Variants in C11orf65 observed in about 807,000 individuals in gnomAD.
C11orf65 encodes the protein protein MFI.
Under a neutral mutation model 35.3 loss-of-function variants are expected in C11orf65, and 38 were observed. That is an observed-to-expected ratio of 1.08 (90% CI 0.83 to 1.41). The LOEUF is 1.41. Among genes scored for constraint, C11orf65 ranks in the 40% most tolerant of loss-of-function variants. C11orf65 has a pLI of 0.00. For synonymous variants in C11orf65, 105 were observed against 114.4 expected, an observed-to-expected ratio of 0.92 and a Z score of 0.53; for missense variants, 370 against 367.1, an observed-to-expected ratio of 1.01 and a Z score of -0.06.
chr11:108,398,733 T>G (rs2092374557), intron 6 of C11orf65, among the ~76,000 whole-genome samples: 1 of 152,234 alleles, frequency 6.6e-6, no homozygotes, highest in Non-Finnish European at 1.5e-5. Flanking sequence ...TTTGTTGTTC[T>G]CAGCCTGTAA....
intron 2 of C11orf65, among the ~76,000 whole-genome samples, chr11:108,440,435 G>T (rs1360418695): frequency 6.6e-6 from 1 of 152,152 alleles, no homozygotes; most frequent in African/African-American, 2.4e-5. Context: ...GGCTCAAGTG[G>T]GGCCCAATAT....
intron 6 of C11orf65, among the ~76,000 whole-genome samples, chr11:108,319,069 T>C (rs2084997624): frequency 6.6e-6 from 1 of 151,794 alleles, no homozygotes; most frequent in African/African-American, 2.4e-5. Flanking sequence ...CCCAGCTGCT[T>C]GGGAGGCTGA....
At chr11:108,403,420 G>GTTTTTTTTTTTTTTTT (rs869122131) in intron 6 of C11orf65, among the ~76,000 whole-genome samples, 1 of 119,714 alleles carries the variant, frequency 8.4e-6, no homozygotes, top group East Asian at 2.6e-4. Flanking sequence ...TTTTTTTTTT[G>GTTTTTTTTTTTTTTTT]TTTTTTTTTT....
intron 2 of C11orf65, among the ~76,000 whole-genome samples, chr11:108,441,644 A>T (rs2093156220): frequency 6.6e-6 from 1 of 152,236 alleles, no homozygotes; most frequent in African/African-American, 2.4e-5. Flanking sequence ...AGGATTAGGC[A>T]GCAACAATTG....
chr11:108,439,173 T>C (rs984052819), intron 2 of C11orf65, among the ~76,000 whole-genome samples: 1 of 151,920 alleles, frequency 6.6e-6, no homozygotes, highest in Non-Finnish European at 1.5e-5. Flanking sequence ...TGGGCAAAGG[T>C]CTTGAATATA....
chr11:108,406,649 CAATT>C (rs2092546124), intron 5 of C11orf65, 110 bp downstream of exon 5: 1 of 700,600 alleles, frequency 1.4e-6, no homozygotes, highest in African/African-American at 1.8e-5. Context: ...CAAAATTTAT[CAATT>C]AAATTACTAG....
rs150389002 is a variant in C11orf65, at chr11:108,404,514, T to C, written c.560+915A>G. 6.3e-4 allele frequency among the ~76,000 whole-genome samples: 95 copies of C among 151,982 alleles called. 1 individual carries two copies. The highest frequency in any genetic ancestry group is 2.0e-3 in the African/African-American group (83 of 41,460). On this transcript the variant is annotated intron_variant, in intron 6 of 8. Coordinates refer to ENST00000393084, the MANE Select transcript of C11orf65 (RefSeq NM_152587.5). The stretch of plus-strand genomic sequence containing the variant: ...GCTCCGCCTCCTGGGTTCACGCCAT[T>C]CTCCTGCCTCAGCCTCCCAAGTAGC...
chr11:108,315,965 A>T (rs376757451), intron 6 of C11orf65: 1 of 1,607,718 alleles, frequency 6.2e-7, no homozygotes, highest in South Asian at 1.1e-5. Context: ...TGAAGGAGTT[A>T]TGTGTGTGTA....
In C11orf65 at chr11:108,465,699, A is replaced by T. The variant is rs1172345996; in HGVS notation, c.-10+1772T>A. Among the ~76,000 whole-genome samples, 5 of 152,046 alleles carry T rather than the reference A, an allele frequency of 3.3e-5. No homozygotes were observed. The South Asian group carries it at 1.0e-3, about 32-fold the overall frequency. On this transcript the variant is annotated intron_variant, in intron 1 of 8. Transcript: ENST00000393084. ...GGATTAAAGGTTTTTTTTTAAAAAA[A>T]AAAGGCTGGGCGCGGTGGCTCACGC... is the stretch of plus-strand genomic sequence containing the variant.
chr11:108,383,423 G>A lies in C11orf65; in HGVS notation c.788-248C>T, dbSNP rs2138269060. ...GTCTGATCTACTAATAACTAGCTGT[G>A]TAATTTGGGACAAATTATTTAACCT... On this transcript the variant is annotated intron_variant, in intron 8 of 8. Coordinates refer to ENST00000393084, the MANE Select transcript of C11orf65 (RefSeq NM_152587.5). Among the ~76,000 whole-genome samples, 3 of 152,304 alleles carry A rather than the reference G, an allele frequency of 2.0e-5. 1 individual carries two copies. The highest frequency in any genetic ancestry group is 2.0e-4 in the Admixed American group (3 of 15,298).
chr11:108,418,942 A>C (rs1051184170), intron 3 of C11orf65, among the ~76,000 whole-genome samples: 1 of 152,214 alleles, frequency 6.6e-6, no homozygotes, highest in Non-Finnish European at 1.5e-5. Flanking sequence ...TAGCACAAGA[A>C]GAAATACAAA....
chr11:108,445,174 G>C (rs1446515725), intron 2 of C11orf65, among the ~76,000 whole-genome samples: 1 of 152,268 alleles, frequency 6.6e-6, no homozygotes, highest in East Asian at 1.9e-4. Flanking sequence ...CTCCACCTCT[G>C]GGGGAAGGGC....
intron 2 of C11orf65, among the ~76,000 whole-genome samples, chr11:108,453,100 G>A (rs756882970): frequency 1.7e-5 from 1 of 60,116 alleles, no homozygotes; most frequent in Non-Finnish European, 3.2e-5. Context: ...GTATACATTT[G>A]TAACAACCTG....
chr11:108,407,617 G>A (rs987840313), intron 3 of C11orf65, among the ~76,000 whole-genome samples: 5 of 151,602 alleles, frequency 3.3e-5, no homozygotes, highest in Admixed American at 2.6e-4. Context: ...ACTGTGCTCA[G>A]CCATTAAAAA....
At chr11:108,395,329 ATTTTT>A (rs761424830) in intron 6 of C11orf65, among the ~76,000 whole-genome samples, 1 of 140,926 alleles carries the variant, frequency 7.1e-6, no homozygotes, top group African/African-American at 2.6e-5. Context: ...TGTCTCTACA[ATTTTT>A]TTTTTTTTTT....
At chr11:108,425,908 C>G (rs2092895659) in intron 3 of C11orf65, among the ~76,000 whole-genome samples, 1 of 152,170 alleles carries the variant, frequency 6.6e-6, no homozygotes, top group African/African-American at 2.4e-5. Context: ...ACGTGATTAT[C>G]TCAATAGATG....
chr11:108,407,257 T>C (rs1000920286), intron 3 of C11orf65, 108 bp from the exon 4 acceptor site: 101 of 860,848 alleles, frequency 1.2e-4, no homozygotes, highest in Non-Finnish European at 1.7e-4. Flanking sequence ...ATTGACTATT[T>C]AGGAAATCAG....
intron 3 of C11orf65, 140 bp from the exon 4 acceptor site, chr11:108,407,289 A>C (rs1246296519): frequency 1.5e-6 from 1 of 663,776 alleles, no homozygotes. Context: ...AACCTCAAAT[A>C]ATCAATTTTA....
intron 2 of C11orf65, among the ~76,000 whole-genome samples, chr11:108,450,555 A>G (rs2135635302): frequency 6.9e-6 from 1 of 143,918 alleles, no homozygotes; most frequent in South Asian, 2.2e-4. Flanking sequence ...GTTGTCACTC[A>G]TAGGTGGGAA....
Sources: allele counts gnomAD v4.1 joint callset (sites outside exome capture counted in the v4.1 genomes callset), GRCh38; gene constraint gnomAD v4.1.1; transcripts MANE v1.5; gene names NCBI Gene and HGNC (gene_info 2026-07-23, HGNC 2026-07-21).